SEC14L1: variants seen among roughly 807,000 people sequenced by gnomAD.
The protein encoded by SEC14L1 is SEC14 like lipid binding 1, also known as SEC14-like protein 1.
SEC14L1 carries 48 observed loss-of-function variants against 85.3 expected under a neutral mutation model. The ratio of observed to expected loss-of-function variants is 0.56; its 90% CI spans 0.45 to 0.72. The LOEUF (loss-of-function observed/expected upper bound fraction) is 0.72, where lower values mean the gene tolerates loss of function less well. SEC14L1 is among the 30% of genes least tolerant of loss of function. The pLI is 0.00. For missense variants in SEC14L1, 682 were observed against 921.4 expected (o/e 0.74, Z 3.36); for synonymous variants, 391 against 355.5 (o/e 1.10, Z -1.12).
chr17:77,190,886 TG>T lies in SEC14L1; in HGVS notation c.151del (p.Ala51LeufsTer13). ...CTGTGAATGAATTCAAGAGCGAAGA[TG>T]GGGCTATTCATGTCATTGAAAGGCG... ...DTVNEFKSED[G>X]AIHVIERRCK... On this transcript the variant is annotated frameshift_variant, in exon 4 of 17. Transcript: ENST00000436233. LOFTEE classifies it high-confidence loss of function. 6.2e-7 allele frequency: 1 copy of T among 1,614,216 alleles called. No homozygotes were observed. Among genetic ancestry groups the T allele is most frequent in the Non-Finnish European group, 8.5e-7 (1 of 1,180,026 alleles).
At chr17:77,105,373 A>ACCCCCCCCC (rs796673679) in intron 3 of SEC14L1, among the ~76,000 whole-genome samples, 5 of 82,378 alleles carry the variant, frequency 6.1e-5, no homozygotes, top group Non-Finnish European at 7.1e-5. Flanking sequence ...CTCGCTGACC[A>ACCCCCCCCC]CCCCCCCCCC....
In SEC14L1 at chr17:77,212,099, G is replaced by T; in HGVS notation, c.1761G>T (p.Pro587=). Residue 587 remains proline (P), a synonymous_variant, in exon 15 of 17, where the codon CCG becomes CCT. Transcript: ENST00000436233. ...DSLGAHSITS[P]GGNNVQLIDK... The stretch of plus-strand genomic sequence containing the variant: ...TGGGAGCCCACAGCATCACCTCTCC[G>T]GGTGGGAACAATGTGCAGCTCATAG... 6.2e-7 allele frequency: 1 copy of T among 1,614,162 alleles called. No homozygotes were observed. The highest frequency in any genetic ancestry group is 8.5e-7 in the Non-Finnish European group (1 of 1,180,034).
At chr17:77,128,373 T>C (rs2143434124) in intron 3 of SEC14L1, among the ~76,000 whole-genome samples, 1 of 134,430 alleles carries the variant, frequency 7.4e-6, no homozygotes, top group South Asian at 2.4e-4. Context: ...GGACAAGTTA[T>C]GCATTCACAC....
At chr17:77,207,719 CG>C (rs1395822152) in intron 13 of SEC14L1, among the ~76,000 whole-genome samples, 13 of 152,020 alleles carry the variant, frequency 8.6e-5, no homozygotes, top group African/African-American at 3.1e-4. Context: ...TCCAAAGTGC[CG>C]GGATTACAGG....
intron 3 of SEC14L1, among the ~76,000 whole-genome samples, chr17:77,156,192 C>G (rs548475362): frequency 2.0e-5 from 3 of 152,128 alleles, no homozygotes; most frequent in Non-Finnish European, 4.4e-5. Flanking sequence ...AGGGTCCTGA[C>G]ACTCCACTGG....
intron 3 of SEC14L1, among the ~76,000 whole-genome samples, chr17:77,156,455 A>G (rs762011176): frequency 6.6e-6 from 1 of 151,918 alleles, no homozygotes; most frequent in African/African-American, 2.4e-5. Flanking sequence ...TACATCTGTA[A>G]TCCTAGCTAC....
At chr17:77,203,146 G>GA (rs1024949671) in intron 9 of SEC14L1, among the ~76,000 whole-genome samples, 39 of 152,260 alleles carry the variant, frequency 2.6e-4, no homozygotes, top group African/African-American at 9.1e-4. Flanking sequence ...TGTAGTCATA[G>GA]AAAAAGTGTC....
intron 3 of SEC14L1, among the ~76,000 whole-genome samples, chr17:77,182,575 A>G (rs751081217): frequency 1.3e-5 from 2 of 152,242 alleles, no homozygotes; most frequent in African/African-American, 4.8e-5. Context: ...TAAAAAGGAT[A>G]CATCAAAGAA....
chr17:77,192,092 G>T (rs1975572080), intron 5 of SEC14L1, among the ~76,000 whole-genome samples: 3 of 152,174 alleles, frequency 2.0e-5, no homozygotes, highest in Non-Finnish European at 4.4e-5. Context: ...ACCACGCCTG[G>T]CCTTAAATAT....
intron 2 of SEC14L1, chr17:77,089,308 C>T (rs1272185610): frequency 4.1e-6 from 2 of 488,854 alleles, no homozygotes; most frequent in Admixed American, 2.2e-5. Context: ...TCAGGTCAGA[C>T]GGTCTGGGGA....
intron 3 of SEC14L1, among the ~76,000 whole-genome samples, chr17:77,101,676 G>T (rs1212006101): frequency 6.6e-6 from 1 of 152,202 alleles, no homozygotes; most frequent in Non-Finnish European, 1.5e-5. Context: ...TCTGGCCTGG[G>T]CTGGAGATTC....
chr17:77,101,866 G>C (rs1971786396), intron 3 of SEC14L1, among the ~76,000 whole-genome samples: 1 of 152,148 alleles, frequency 6.6e-6, no homozygotes, highest in African/African-American at 2.4e-5. Flanking sequence ...CTGTGTTAGG[G>C]AAAACGTTCC....
At chr17:77,162,207 C>T (rs1389732582) in intron 3 of SEC14L1, among the ~76,000 whole-genome samples, 1 of 151,688 alleles carries the variant, frequency 6.6e-6, no homozygotes, top group Non-Finnish European at 1.5e-5. Flanking sequence ...CCAACCGAGG[C>T]CCCACGGGCA....
At chr17:77,203,498 A>G (rs12602668) in intron 9 of SEC14L1, 72 bp from the exon 10 acceptor site, 256,431 of 1,289,142 alleles carry the variant, frequency 0.2, 27,317 homozygotes, top group Middle Eastern at 0.24. Flanking sequence ...ATTCCTGTTA[A>G]GGGTCTTAGA....
rs566810714 is a variant in SEC14L1 at position 77,215,893 on chromosome 17, G to A, written c.*1870G>A. ...TAGGTAGGGTTCGTAGGTAGGGTTC[G>A]TAGGTAGGGCTAGTAGGTAGGGTTA... On this transcript the variant is annotated 3_prime_UTR_variant, in exon 17 of 17. Transcript: ENST00000436233. The A allele has an allele frequency of 6.7e-4, 655 of 977,974 alleles. 9 individuals carry two copies. The African/African-American group carries it at 0.011, about 16-fold the overall frequency. The allele number at this position is 977,974 out of a possible 1,614,324, so 60.6% of individuals were successfully genotyped here. A position where few individuals can be genotyped will look rare whatever the true frequency, so the allele number is the denominator to read the frequency against.
intron 3 of SEC14L1, among the ~76,000 whole-genome samples, chr17:77,186,537 A>G (rs1975275666): frequency 6.6e-6 from 1 of 152,164 alleles, no homozygotes. Context: ...TGTACTGACT[A>G]CCATGGTCCC....
chr17:77,142,626 C>G lies in SEC14L1; in HGVS notation c.-135-20C>G, dbSNP rs1304970653. On this transcript the variant is annotated intron_variant, in intron 1 of 16. Transcript: ENST00000436233. The stretch of plus-strand genomic sequence containing the variant: ...TAAAATACATCTTGGTAATTTGTCT[C>G]TCTCTTTTTTTTTTAACAGCTAGAC... 6.7e-6 allele frequency: 1 copy of G among 148,404 alleles called. No individual in the cohort carries two copies. Among genetic ancestry groups the G allele is most frequent in the Non-Finnish European group, 1.5e-5 (1 of 67,128 alleles). 9.2% of individuals were successfully genotyped at this position (148,404 alleles called of 1,614,324 possible).
intron 3 of SEC14L1, among the ~76,000 whole-genome samples, chr17:77,167,568 G>T (rs985773799): frequency 2.6e-5 from 4 of 152,164 alleles, no homozygotes; most frequent in African/African-American, 9.7e-5. Context: ...AAATTGAGCA[G>T]CTAGTACAGA....
chr17:77,110,626 A>G (rs1329923731), intron 3 of SEC14L1, among the ~76,000 whole-genome samples: 1 of 152,004 alleles, frequency 6.6e-6, no homozygotes, highest in African/African-American at 2.4e-5. Context: ...CATGCCTATA[A>G]TCCCAGCACT....
Sources: gnomAD v4.1 joint callset for allele counts (sites outside exome capture counted in the v4.1 genomes callset) on GRCh38, gnomAD v4.1.1 for gene constraint, MANE v1.5 for transcripts, NCBI Gene and HGNC (gene_info 2026-07-23, HGNC 2026-07-21) for gene names.